Variants in ZNF267 observed in about 807,000 individuals in gnomAD.
ZNF267 encodes zinc finger protein 267, also known as zinc finger (C2H2).
ZNF267 carries 61 observed loss-of-function variants against 71.6 expected under a neutral mutation model. The observed-to-expected ratio is 0.85, with a 90% CI of 0.69 to 1.05. The LOEUF is 1.05. Ranked by LOEUF, ZNF267 falls within the 50% of genes least tolerant of loss-of-function variation. The probability of loss-of-function intolerance (pLI) is 0.00; values close to 1 mark genes in which losing one functional copy is unlikely to be tolerated. For missense variants in ZNF267, 852 were observed against 870.0 expected, an observed-to-expected ratio of 0.98 and a Z score of 0.26; for synonymous variants, 288 against 293.2, an observed-to-expected ratio of 0.98 and a Z score of 0.18.
At chr16:31,883,859 C>T (rs1364007087) in intron 1 of ZNF267, among the ~76,000 whole-genome samples, 2 of 152,174 alleles carry the variant, frequency 1.3e-5, no homozygotes, top group South Asian at 2.1e-4. Flanking sequence ...AGCATTAACA[C>T]TACTGGTGAA....
At chr16:31,883,811 C>A (rs1474879520) in intron 1 of ZNF267, among the ~76,000 whole-genome samples, 2 of 152,212 alleles carry the variant, frequency 1.3e-5, no homozygotes, top group African/African-American at 4.8e-5. Context: ...CCTCAGTGTT[C>A]GACCTCTCTG....
At chr16:31,893,777 ATATAT>A (rs1190313715) in intron 3 of ZNF267, among the ~76,000 whole-genome samples, 4 of 152,188 alleles carry the variant, frequency 2.6e-5, no homozygotes, top group African/African-American at 9.7e-5. Context: ...TGATGGTCCT[ATATAT>A]AGAACCACAG....
intron 3 of ZNF267, among the ~76,000 whole-genome samples, chr16:31,903,493 A>G (rs1023443810): frequency 1.3e-5 from 2 of 152,114 alleles, no homozygotes; most frequent in African/African-American, 4.8e-5. Flanking sequence ...TAGAGACTCA[A>G]CTTCTTCCTG....
chr16:31,878,793 G>C (rs80096140), intron 1 of ZNF267, among the ~76,000 whole-genome samples: 2,097 of 152,176 alleles, frequency 0.014, 59 homozygotes, highest in African/African-American at 0.048. Context: ...TGTTCCCAAG[G>C]TCACCCCACA....
chr16:31,900,666 G>A (rs1356658503), intron 3 of ZNF267, among the ~76,000 whole-genome samples: 1 of 150,992 alleles, frequency 6.6e-6, no homozygotes, highest in Non-Finnish European at 1.5e-5. Context: ...GGATGGTCTT[G>A]ATCTCCTGAC....
At chr16:31,901,058 T>C (rs2084037205) in intron 3 of ZNF267, among the ~76,000 whole-genome samples, 1 of 152,184 alleles carries the variant, frequency 6.6e-6, no homozygotes, top group African/African-American at 2.4e-5. Context: ...GTGTTTCGTT[T>C]TTTGTCCTTG....
chr16:31,875,160 A>G (rs1244884448), intron 1 of ZNF267: 1 of 1,289,190 alleles, frequency 7.8e-7, no homozygotes, highest in South Asian at 1.2e-5. Context: ...AGGGCCCTGT[A>G]TAGCCACCCT....
chr16:31,915,338 T>C lies in ZNF267; in HGVS notation c.1089T>C (p.Cys363=), dbSNP rs1248762652. ...GTGGCAAGGTCTTTAACCTTAACTGTAGTTTATACCTTACTAAACAGCAGC... is the reference window on the plus strand; with the variant it reads ...GTGGCAAGGTCTTTAACCTTAACTGCAGTTTATACCTTACTAAACAGCAGC... The part of the protein sequence containing the change: ...KECGKVFNLN[C]SLYLTKQQQI... The change falls in exon 4 of 4, where the codon TGT becomes TGC. Residue 363 remains cysteine (C), a synonymous_variant. Coordinates refer to ENST00000300870, the MANE Select transcript of ZNF267 (RefSeq NM_003414.6). 1 of 1,613,662 alleles carries C rather than the reference T, an allele frequency of 6.2e-7. No homozygotes were observed. The highest frequency in any genetic ancestry group is 8.5e-7 in the Non-Finnish European group (1 of 1,179,906).
chr16:31,897,737 G>A (rs1329056925), intron 3 of ZNF267, among the ~76,000 whole-genome samples: 1 of 152,102 alleles, frequency 6.6e-6, no homozygotes, highest in Non-Finnish European at 1.5e-5. Flanking sequence ...ACAAGTTTGT[G>A]TGTTTGAGAC....
chr16:31,905,070 T>A (rs925794251), intron 3 of ZNF267, among the ~76,000 whole-genome samples: 8 of 152,152 alleles, frequency 5.3e-5, no homozygotes, highest in Non-Finnish European at 1.0e-4. Flanking sequence ...GATATGAAAT[T>A]CTGGGTTGAA....
chr16:31,915,401 A>G lies in ZNF267; in HGVS notation c.1152A>G (p.Ala384=), dbSNP rs780510774. ...GAGAAAACCTTTACAAATGTAAAGC[A>G]TGTAGCAAATCTTTTACTCGTTCCT... is the stretch of plus-strand genomic sequence containing the variant. ...DTGENLYKCK[A]CSKSFTRSSN... The change falls in exon 4 of 4, where the codon GCA becomes GCG. Residue 384 remains alanine, a synonymous_variant. Transcript: ENST00000300870. 4.2e-5 allele frequency: 67 copies of G among 1,613,660 alleles called. No individual in the cohort carries two copies. The highest frequency in any genetic ancestry group is 5.6e-5 in the Non-Finnish European group (66 of 1,179,866).
intron 1 of ZNF267, among the ~76,000 whole-genome samples, chr16:31,875,666 T>C (rs1328522525): frequency 6.6e-6 from 1 of 152,134 alleles, no homozygotes; most frequent in East Asian, 1.9e-4. Flanking sequence ...ATGAGCAGTA[T>C]TGGGGTAGGA....
At chr16:31,914,226 A>G (rs565744153) in intron 3 of ZNF267, 43 of 415,170 alleles carry the variant, frequency 1.0e-4, no homozygotes, top group African/African-American at 7.8e-4. Flanking sequence ...TCTCCCCGCC[A>G]TGCAGATGCT....
chr16:31,917,288 G>A lies in ZNF267; in HGVS notation c.*807G>A. ...AATATGCTCTTTGTGTTTGAATAAA[G>A]TAGTAATGCATGTAAACATATACGT... On this transcript the variant is annotated 3_prime_UTR_variant, in exon 4 of 4. Coordinates refer to ENST00000300870, the MANE Select transcript of ZNF267 (RefSeq NM_003414.6). The A allele has an allele frequency of 6.6e-6, 1 of 150,968 alleles. No individual in the cohort carries two copies. The highest frequency in any genetic ancestry group is 1.5e-5 in the Non-Finnish European group (1 of 67,908). The allele number at this position is 150,968 out of a possible 1,614,324, so 9.4% of individuals were successfully genotyped here.
Position 31,915,589 on chromosome 16 carries a change from G to T in ZNF267, c.1340G>T (p.Arg447Leu). Residue 447 changes from arginine to leucine, a missense_variant, in exon 4 of 4, where the codon CGT (arginine) becomes CTT (leucine). By Grantham distance (102) the Arg-to-Leu change is moderately radical. Transcript: ENST00000300870. ...AAAGAATGTGGAAAAGCTTTTAACC[G>T]TAGTTCATGCCTTACTCAACATCAG... ...KCKECGKAFN[R>L]SSCLTQHQTT... is the part of the protein sequence containing the mutation. 6.2e-7 allele frequency: 1 copy of T among 1,613,080 alleles called. No homozygotes were observed. Among genetic ancestry groups the T allele is most frequent in the East Asian group, 2.2e-5 (1 of 44,752 alleles).
chr16:31,908,376 C>T (rs1285711045), intron 3 of ZNF267, among the ~76,000 whole-genome samples: 2 of 152,042 alleles, frequency 1.3e-5, no homozygotes, highest in Non-Finnish European at 2.9e-5. Context: ...TTGAGTATTT[C>T]CTTTGTTGTC....
chr16:31,886,438 A>C (rs1460858963), intron 3 of ZNF267, among the ~76,000 whole-genome samples: 1 of 152,148 alleles, frequency 6.6e-6, no homozygotes, highest in Non-Finnish European at 1.5e-5. Flanking sequence ...TTTGATTCTC[A>C]TAGGAGTGTG....
intron 3 of ZNF267, among the ~76,000 whole-genome samples, chr16:31,909,773 G>A (rs2084121786): frequency 6.6e-6 from 1 of 152,144 alleles, no homozygotes; most frequent in Non-Finnish European, 1.5e-5. Context: ...TACTGCTGCT[G>A]TAGCTAGCAC....
rs1567239899 is a variant in ZNF267 at position 31,915,276 on chromosome 16, A to C, written c.1027A>C (p.Ile343Leu). 1 of 1,613,922 alleles carries C rather than the reference A, an allele frequency of 6.2e-7. No individual in the cohort carries two copies. Among genetic ancestry groups the C allele is most frequent in the East Asian group, 2.2e-5 (1 of 44,830 alleles). The part of the protein sequence containing the change: ...HSLHLTQHQI[I>L]PTEEKPCKWK... ...TTTGCACCTTACTCAACATCAGATC[A>C]TTCCTACCGAAGAGAAACCCTGTAA... Residue 343 changes from isoleucine (I) to leucine (L), a missense_variant, in exon 4 of 4, where the codon ATT becomes CTT. Coordinates refer to ENST00000300870, the MANE Select transcript of ZNF267 (RefSeq NM_003414.6).
Sources: allele counts gnomAD v4.1 joint callset (sites outside exome capture counted in the v4.1 genomes callset), GRCh38; gene constraint gnomAD v4.1.1; transcripts MANE v1.5; gene names NCBI Gene and HGNC (gene_info 2026-07-23, HGNC 2026-07-21).